SNX7: variants seen among roughly 807,000 people sequenced by gnomAD.
The protein encoded by SNX7 is sorting nexin-7.
SNX7 carries 35 observed loss-of-function variants against 48.4 expected under a neutral mutation model. That is an observed-to-expected ratio of 0.72 (90% CI 0.55 to 0.96). The LOEUF (loss-of-function observed/expected upper bound fraction) is 0.96. Among genes scored for constraint, SNX7 ranks in the 40% least tolerant of loss-of-function variants. The probability of loss-of-function intolerance (pLI) is 0.00; values close to 1 mark genes in which losing one functional copy is unlikely to be tolerated. For missense variants in SNX7, 553 were observed against 548.9 expected (o/e 1.01, Z -0.07); for synonymous variants, 190 against 190.2 (o/e 1.00, Z 0.01).
At chr1:98,694,985 C>A (rs2100962986) in intron 4 of SNX7, among the ~76,000 whole-genome samples, 1 of 152,104 alleles carries the variant, frequency 6.6e-6, no homozygotes, top group South Asian at 2.1e-4. Context: ...ATAATAAAAC[C>A]TACCTCATAG....
intron 7 of SNX7, among the ~76,000 whole-genome samples, chr1:98,710,626 A>G (rs1011992836): frequency 6.6e-6 from 1 of 152,230 alleles, no homozygotes; most frequent in Non-Finnish European, 1.5e-5. Flanking sequence ...GCTTTCATAT[A>G]TAGAAACTCA....
intron 8 of SNX7, among the ~76,000 whole-genome samples, chr1:98,742,316 G>C (rs1017997717): frequency 1.2e-4 from 19 of 152,092 alleles, no homozygotes; most frequent in African/African-American, 4.3e-4. Context: ...ATGTGTGCCT[G>C]CTAAATTACC....
chr1:98,672,413 T>C (rs992342392), intron 1 of SNX7, among the ~76,000 whole-genome samples: 3 of 149,792 alleles, frequency 2.0e-5, no homozygotes, highest in Non-Finnish European at 3.0e-5. Flanking sequence ...GTCAAACCAA[T>C]TGGGAGGCAC....
chr1:98,717,763 T>C (rs928754944), intron 7 of SNX7, among the ~76,000 whole-genome samples: 4 of 152,062 alleles, frequency 2.6e-5, no homozygotes, highest in African/African-American at 9.7e-5. Context: ...CTTTCCTTAA[T>C]GTATGTCAGT....
At position 98,708,061 on chromosome 1, in the gene SNX7, T is replaced by C. The variant is rs114168631; in HGVS notation, c.1125+6158T>C. ...TGTGATCAGAGGTGAAGGTTGCTTC[T>C]TCCTTTTCTTAAATATTTTCTGGCT... On this transcript the variant is annotated intron_variant, in intron 7 of 8. Coordinates refer to ENST00000306121, the MANE Select transcript of SNX7 (RefSeq NM_015976.5). Among the ~76,000 whole-genome samples the C allele has an allele frequency of 8.2e-3, 1,244 of 152,316 alleles. 16 individuals are homozygous for C. Among genetic ancestry groups the C allele is most frequent in the African/African-American group, 0.029 (1,202 of 41,568 alleles).
chr1:98,716,140 T>C (rs1316933826), intron 7 of SNX7, among the ~76,000 whole-genome samples: 1 of 152,110 alleles, frequency 6.6e-6, no homozygotes, highest in South Asian at 2.1e-4. Flanking sequence ...ATATAACCAA[T>C]CCTGTATAGC....
At chr1:98,691,214 G>A in intron 3 of SNX7, 29 bp downstream of exon 3, 1 of 1,424,614 alleles carries the variant, frequency 7.0e-7, no homozygotes, top group Non-Finnish European at 9.7e-7. Flanking sequence ...TTTTTTCATA[G>A]AATAGCTACC....
intron 8 of SNX7, among the ~76,000 whole-genome samples, chr1:98,740,389 C>A (rs1654011397): frequency 6.6e-6 from 1 of 151,934 alleles, no homozygotes; most frequent in South Asian, 2.1e-4. Flanking sequence ...AACAATAAAA[C>A]CAAAATTTTA....
intron 7 of SNX7, among the ~76,000 whole-genome samples, chr1:98,733,624 G>T (rs2101027749): frequency 6.6e-6 from 1 of 152,228 alleles, no homozygotes; most frequent in Non-Finnish European, 1.5e-5. Flanking sequence ...TGCTTTGCAT[G>T]AATGCCTTTC....
chr1:98,706,936 C>T (rs1237767889), intron 7 of SNX7, among the ~76,000 whole-genome samples: 1 of 152,018 alleles, frequency 6.6e-6, no homozygotes, highest in Non-Finnish European at 1.5e-5. Flanking sequence ...GTTTGATTTG[C>T]CTATTAGTCA....
chr1:98,735,639 G>A (rs914292861), intron 7 of SNX7, among the ~76,000 whole-genome samples: 1 of 152,154 alleles, frequency 6.6e-6, no homozygotes, highest in Admixed American at 6.6e-5. Context: ...TGATGATGGT[G>A]ATGATGGTGG....
chr1:98,740,638 A>T (rs1479187522), intron 8 of SNX7, among the ~76,000 whole-genome samples: 4 of 152,146 alleles, frequency 2.6e-5, no homozygotes, highest in Non-Finnish European at 5.9e-5. Flanking sequence ...CTCACATAAA[A>T]ATGTATTTTT....
chr1:98,668,066 G>A (rs532016451), intron 1 of SNX7, among the ~76,000 whole-genome samples: 1 of 152,160 alleles, frequency 6.6e-6, no homozygotes, highest in South Asian at 2.1e-4. Flanking sequence ...TTCTCCTTGG[G>A]GAGGAAGTCT....
intron 4 of SNX7, among the ~76,000 whole-genome samples, chr1:98,693,940 G>T (rs1271092891): frequency 1.3e-5 from 2 of 152,016 alleles, no homozygotes; most frequent in African/African-American, 4.8e-5. Context: ...GTTTGTATTT[G>T]TTCTTTTAAC....
Position 98,723,533 on chromosome 1 carries a change from A to T in SNX7, c.1126-14704A>T, listed in dbSNP as rs564954943. Among the ~76,000 whole-genome samples, 3 of 152,154 alleles carry T rather than the reference A, an allele frequency of 2.0e-5. No individual in the cohort carries two copies. The East Asian group carries it at 5.8e-4, about 29-fold the overall frequency. On this transcript the variant is annotated intron_variant, in intron 7 of 8. Coordinates refer to ENST00000306121, the MANE Select transcript of SNX7 (RefSeq NM_015976.5). ...TATTCTATATTTAATGATTTAAGTT[A>T]TTTTTAATTTTAATAATTTATAGAT...
At chr1:98,751,500 G>T (rs1315481260) in intron 8 of SNX7, among the ~76,000 whole-genome samples, 1 of 152,004 alleles carries the variant, frequency 6.6e-6, no homozygotes, top group Non-Finnish European at 1.5e-5. Flanking sequence ...TCCTGTGGTG[G>T]CTCTCTTTCT....
At position 98,685,065 on chromosome 1, in the gene SNX7, A is replaced by G. The variant is rs781269445; in HGVS notation, c.361A>G (p.Lys121Glu). Residue 121 changes from lysine (K) to glutamate (E), a missense_variant and splice_region_variant, in exon 2 of 9, where the codon AAG (lysine) becomes GAG (glutamate). By Grantham distance (56) the Lys-to-Glu change is moderately conservative (BLOSUM62 1). Coordinates refer to ENST00000306121, the MANE Select transcript of SNX7 (RefSeq NM_015976.5). ...ETFITYRIIT[K>E]TSRGEFDSSE... ...TTTCATTACGTATAGGATTATTACT[A>G]AGGTAAACATTTGGTGAATATTTTC... 7.0e-5 allele frequency: 103 copies of G among 1,468,746 alleles called. No homozygotes were observed. Among genetic ancestry groups the G allele is most frequent in the Non-Finnish European group, 8.4e-5 (92 of 1,098,880 alleles). The allele number at this position is 1,468,746 out of a possible 1,614,324, so 91.0% of individuals were successfully genotyped here. A position where few individuals can be genotyped will look rare whatever the true frequency, so the allele number is the denominator to read the frequency against.
chr1:98,686,905 C>A (rs912552414), intron 2 of SNX7, among the ~76,000 whole-genome samples: 3 of 152,064 alleles, frequency 2.0e-5, no homozygotes, highest in Non-Finnish European at 4.4e-5. Flanking sequence ...CCATCATTTG[C>A]GTCTCTCAGA....
chr1:98,728,202 G>A (rs1239960654), intron 7 of SNX7, among the ~76,000 whole-genome samples: 6 of 152,122 alleles, frequency 3.9e-5, no homozygotes, highest in African/African-American at 1.2e-4. Flanking sequence ...CAGAAACCCT[G>A]CAAGCCAGAA....
Sources: allele counts gnomAD v4.1 joint callset (sites outside exome capture counted in the v4.1 genomes callset), GRCh38; gene constraint gnomAD v4.1.1; transcripts MANE v1.5; gene names NCBI Gene and HGNC (gene_info 2026-07-23, HGNC 2026-07-21).